CAMK4: variants seen among roughly 807,000 people sequenced by gnomAD.
The protein encoded by CAMK4 is calcium/calmodulin-dependent protein kinase type IV.
In CAMK4, 22 loss-of-function variants were observed where a neutral mutation model predicts 44.9. The ratio of observed to expected loss-of-function variants is 0.49; its 90% CI spans 0.35 to 0.70. CAMK4 has a LOEUF of 0.70. Among genes scored for constraint, CAMK4 ranks in the 30% least tolerant of loss-of-function variants. The pLI is 0.01. For synonymous variants in CAMK4, 218 were observed against 215.4 expected, an observed-to-expected ratio of 1.01 and a Z score of -0.11; for missense variants, 498 against 586.8, an observed-to-expected ratio of 0.85 and a Z score of 1.56.
intron 2 of CAMK4, among the ~76,000 whole-genome samples, chr5:111,346,705 C>G (rs970017992): frequency 4.6e-5 from 7 of 151,962 alleles, no homozygotes; most frequent in Non-Finnish European, 7.4e-5. Flanking sequence ...CCATGCCTCT[C>G]TCCTAGCTTC....
intron 1 of CAMK4, among the ~76,000 whole-genome samples, chr5:111,328,820 A>G (rs1456454583): frequency 3.3e-5 from 5 of 151,870 alleles, no homozygotes; most frequent in African/African-American, 9.7e-5. Context: ...TTTGTCTGTT[A>G]TTGGTGTATA....
chr5:111,246,979 T>C (rs1253451371), intron 1 of CAMK4, among the ~76,000 whole-genome samples: 1 of 152,178 alleles, frequency 6.6e-6, no homozygotes, highest in Non-Finnish European at 1.5e-5. Flanking sequence ...CTGCAGAAGA[T>C]AGGATTTTAT....
intron 4 of CAMK4, among the ~76,000 whole-genome samples, chr5:111,390,216 G>A (rs1346281409): frequency 6.6e-6 from 1 of 151,998 alleles, no homozygotes; most frequent in Non-Finnish European, 1.5e-5. Flanking sequence ...ATAAAAAGAG[G>A]ATGAATTTGA....
chr5:111,489,621 G>T lies in CAMK4; in HGVS notation c.*5155G>T, dbSNP rs1217880023. 1 of 152,206 alleles carries T rather than the reference G, an allele frequency of 6.6e-6. No individual in the cohort carries two copies. Among genetic ancestry groups the T allele is most frequent in the Non-Finnish European group, 1.5e-5 (1 of 68,044 alleles). 9.4% of individuals were successfully genotyped at this position (152,206 alleles called of 1,614,324 possible). ...ACCAGGGCAAAATAGAAGCCTTGCC[G>T]AGAAAGTGAACTGTCTTACTCCTTC... On this transcript the variant is annotated 3_prime_UTR_variant, in exon 11 of 11. Coordinates refer to ENST00000282356, the MANE Select transcript of CAMK4 (RefSeq NM_001744.6).
At chr5:111,369,767 A>G (rs1455836766) in intron 2 of CAMK4, among the ~76,000 whole-genome samples, 1 of 152,208 alleles carries the variant, frequency 6.6e-6, no homozygotes, top group African/African-American at 2.4e-5. Flanking sequence ...CACATCATTT[A>G]TGAACGTGCT....
At chr5:111,339,916 T>G (rs1749567807) in intron 1 of CAMK4, among the ~76,000 whole-genome samples, 1 of 151,206 alleles carries the variant, frequency 6.6e-6, no homozygotes, top group Non-Finnish European at 1.5e-5. Context: ...ATGTTTATAG[T>G]TTTCAGTATA....
intron 9 of CAMK4, among the ~76,000 whole-genome samples, chr5:111,478,968 C>T (rs895591682): frequency 2.0e-5 from 3 of 152,134 alleles, no homozygotes; most frequent in Non-Finnish European, 2.9e-5. Context: ...GCCTCCAACT[C>T]CTGGGCTTAA....
At chr5:111,403,885 G>A (rs1331978543) in intron 5 of CAMK4, among the ~76,000 whole-genome samples, 1 of 152,156 alleles carries the variant, frequency 6.6e-6, no homozygotes, top group Non-Finnish European at 1.5e-5. Flanking sequence ...TCTCAAGTGA[G>A]CCACAATAGA....
intron 7 of CAMK4, among the ~76,000 whole-genome samples, chr5:111,463,978 A>T (rs1754732455): frequency 6.6e-6 from 1 of 152,104 alleles, no homozygotes; most frequent in Non-Finnish European, 1.5e-5. Context: ...CCGGCAATGG[A>T]TCCAAACCAA....
At chr5:111,293,069 C>T (rs1322783876) in intron 1 of CAMK4, among the ~76,000 whole-genome samples, 1 of 152,168 alleles carries the variant, frequency 6.6e-6, no homozygotes, top group Non-Finnish European at 1.5e-5. Flanking sequence ...AGAGAAAGGG[C>T]TTGATTTTTA....
chr5:111,316,122 G>T (rs1283071225), intron 1 of CAMK4, among the ~76,000 whole-genome samples: 2 of 152,074 alleles, frequency 1.3e-5, no homozygotes, highest in African/African-American at 2.4e-5. Context: ...TCCCTCAAGG[G>T]CTTTCCAATA....
Position 111,224,404 on chromosome 5 carries a change from C to T in CAMK4, c.-80C>T. Reference sequence around the variant, plus strand: ...CGCCTCTCTCTCGCTCCTGCGTTCGCAGGCGGCGGCTGGCGGCCGGCTTCT... The same window carrying T: ...CGCCTCTCTCTCGCTCCTGCGTTCGTAGGCGGCGGCTGGCGGCCGGCTTCT... On this transcript the variant is annotated 5_prime_UTR_variant, in exon 1 of 11. Transcript: ENST00000282356. The surrounding 1 kb of genome is among the most constrained non-coding windows in gnomAD (Gnocchi z 5.7). 1 of 1,475,474 alleles carries T rather than the reference C, an allele frequency of 6.8e-7. No homozygotes were observed. The highest frequency in any genetic ancestry group is 8.9e-7 in the Non-Finnish European group (1 of 1,117,526). 91.4% of individuals were successfully genotyped at this position (1,475,474 alleles called of 1,614,324 possible).
intron 1 of CAMK4, among the ~76,000 whole-genome samples, chr5:111,235,551 TG>T (rs1275307924): frequency 6.6e-6 from 1 of 152,186 alleles, no homozygotes; most frequent in Admixed American, 6.5e-5. Flanking sequence ...GTGAGCTCTC[TG>T]AGTGCAACCT....
chr5:111,351,244 A>G (rs941320579), intron 2 of CAMK4, among the ~76,000 whole-genome samples: 3 of 152,134 alleles, frequency 2.0e-5, no homozygotes, highest in Non-Finnish European at 4.4e-5. Context: ...TGTATAGAGA[A>G]CTATGTTTGA....
At chr5:111,320,252 A>G (rs1054102364) in intron 1 of CAMK4, among the ~76,000 whole-genome samples, 4 of 152,024 alleles carry the variant, frequency 2.6e-5, no homozygotes, top group East Asian at 1.9e-4. Flanking sequence ...AGGAAACTGG[A>G]TTTTTCTTAT....
intron 5 of CAMK4, among the ~76,000 whole-genome samples, chr5:111,410,468 C>G (rs1447346989): frequency 6.6e-6 from 1 of 152,138 alleles, no homozygotes; most frequent in Non-Finnish European, 1.5e-5. Context: ...GGTAGAGACA[C>G]AGCCAAGCCA....
chr5:111,414,779 A>G (rs1752759904), intron 5 of CAMK4, among the ~76,000 whole-genome samples: 1 of 152,210 alleles, frequency 6.6e-6, no homozygotes, highest in Non-Finnish European at 1.5e-5. Flanking sequence ...TATTAGTACT[A>G]AAATTATTTA....
intron 1 of CAMK4, among the ~76,000 whole-genome samples, chr5:111,267,670 C>T (rs1406844769): frequency 7.3e-6 from 1 of 137,590 alleles, no homozygotes; most frequent in Non-Finnish European, 1.5e-5. Context: ...TGCCACAGCA[C>T]TCCCGCCTGG....
intron 1 of CAMK4, among the ~76,000 whole-genome samples, chr5:111,335,972 A>C (rs905896662): frequency 2.0e-5 from 3 of 151,330 alleles, no homozygotes; most frequent in Non-Finnish European, 3.0e-5. Context: ...TTAAATAAAC[A>C]ACTAACCATA....
Sources: allele counts gnomAD v4.1 joint callset (sites outside exome capture counted in the v4.1 genomes callset), GRCh38; gene constraint gnomAD v4.1.1; non-coding constraint Gnocchi (gnomAD v3.1); transcripts MANE v1.5; gene names NCBI Gene and HGNC (gene_info 2026-07-23, HGNC 2026-07-21).